Variants in CDK12 observed in about 807,000 individuals in gnomAD.
CDK12 encodes cyclin dependent kinase 12.
A neutral mutation model predicts 133.8 loss-of-function variants in CDK12; 17 were observed. The observed-to-expected ratio is 0.13, with a 90% CI of 0.09 to 0.19. The LOEUF (loss-of-function observed/expected upper bound fraction) is 0.19. Ranked by LOEUF, CDK12 falls within the 10% of genes least tolerant of loss-of-function variation. The pLI, the probability that CDK12 is intolerant of heterozygous loss-of-function variation, is 1.00. For synonymous variants in CDK12, 694 were observed against 683.6 expected, an observed-to-expected ratio of 1.02 and a Z score of -0.24; for missense variants, 1,508 against 1,818.7, an observed-to-expected ratio of 0.83 and a Z score of 3.11.
At chr17:39,514,297 C>A in intron 8 of CDK12, among the ~76,000 whole-genome samples, 1 of 152,068 alleles carries the variant, frequency 6.6e-6, no homozygotes, top group Non-Finnish European at 1.5e-5. Flanking sequence ...GTTTAAAGGT[C>A]CAAATTCTAA....
At position 39,463,209 on chromosome 17, in the gene CDK12, G is replaced by A; in HGVS notation, c.1046+92G>A. ...TTAACATTGTCTGGAAGCCCGCAGTGTTCATCATTGACTAGAACACTTTGC... is the reference window on the plus strand; with the variant it reads ...TTAACATTGTCTGGAAGCCCGCAGTATTCATCATTGACTAGAACACTTTGC... On this transcript the variant is annotated intron_variant, in intron 1 of 13. Coordinates refer to ENST00000447079, the MANE Select transcript of CDK12 (RefSeq NM_016507.4). 5 of 1,092,936 alleles carry A rather than the reference G, an allele frequency of 4.6e-6. No individual in the cohort carries two copies. The Middle Eastern group carries it at 6.1e-4, about 134-fold the overall frequency. The allele number at this position is 1,092,936 out of a possible 1,614,324, so 67.7% of individuals were successfully genotyped here. A position where few individuals can be genotyped will look rare whatever the true frequency, so the allele number is the denominator to read the frequency against.
intron 10 of CDK12, among the ~76,000 whole-genome samples, chr17:39,518,483 C>T (rs1210143536): frequency 2.6e-5 from 4 of 152,054 alleles, no homozygotes; most frequent in Admixed American, 6.5e-5. Flanking sequence ...CGTGCTACCA[C>T]GCCTGGCCAT....
chr17:39,553,336 C>CCAAG (rs1248652234), intron 2 of CDK12, among the ~76,000 whole-genome samples: 13 of 151,968 alleles, frequency 8.6e-5, no homozygotes, highest in Admixed American at 8.5e-4. Context: ...GGAAGGAAGG[C>CCAAG]CAAGACAGGG....
At chr17:39,495,384 G>GTTTGTTTTT (rs1567730020) in intron 5 of CDK12, among the ~76,000 whole-genome samples, 1 of 110,694 alleles carries the variant, frequency 9.0e-6, no homozygotes, top group Non-Finnish European at 1.8e-5. Flanking sequence ...GGCCTCATGT[G>GTTTGTTTTT]TTTTTTTTTT....
intron 2 of CDK12, 48 bp from the exon 3 acceptor site, chr17:39,490,509 G>A (rs751083743): frequency 7.4e-6 from 10 of 1,358,972 alleles, no homozygotes. Flanking sequence ...ATTTTTATTT[G>A]CGTATCTTTA....
chr17:39,501,105 C>T (rs780125870), intron 5 of CDK12, 145 bp from the exon 6 acceptor site: 19 of 546,450 alleles, frequency 3.5e-5, no homozygotes, highest in African/African-American at 5.9e-5. Context: ...AACTACTCTT[C>T]GTTTCAGTTT....
downstream of CDK12, among the ~76,000 whole-genome samples, chr17:39,566,057 C>T (rs2056563542): frequency 6.6e-6 from 1 of 152,192 alleles, no homozygotes. Flanking sequence ...TCCACTTGAT[C>T]TTTTAAAGCC....
At chr17:39,525,024 CATT>C (rs1204083311) in intron 12 of CDK12, 139 bp downstream of exon 12, 5 of 649,510 alleles carry the variant, frequency 7.7e-6, no homozygotes, top group Non-Finnish European at 1.3e-5. Context: ...TTAATGTCCT[CATT>C]ATGGTGAGAA....
intron 1 of CDK12, among the ~76,000 whole-genome samples, chr17:39,466,577 T>G (rs569017682): frequency 8.7e-6 from 1 of 114,668 alleles, no homozygotes; most frequent in South Asian, 3.0e-4. Context: ...TTGCAATAAT[T>G]GCACTCCATC....
intron 1 of CDK12, among the ~76,000 whole-genome samples, chr17:39,470,503 A>G (rs946819350): frequency 8.5e-5 from 13 of 152,190 alleles, no homozygotes; most frequent in African/African-American, 3.1e-4. Context: ...AGCGCAAAGA[A>G]GTCTCATATA....
intron 2 of CDK12, among the ~76,000 whole-genome samples, chr17:39,474,288 C>G (rs1178928163): frequency 1.3e-5 from 2 of 152,140 alleles, no homozygotes; most frequent in Admixed American, 1.3e-4. Flanking sequence ...AATTCCCAAG[C>G]CTTCATTCCT....
intron 6 of CDK12, among the ~76,000 whole-genome samples, chr17:39,504,496 G>A (rs2052953236): frequency 2.0e-5 from 3 of 152,112 alleles, no homozygotes. Context: ...GTGGAGTAAG[G>A]GGTTGAGTAG....
intron 3 of CDK12, 140 bp downstream of exon 3, chr17:39,490,873 G>T: frequency 1.8e-6 from 1 of 559,328 alleles, no homozygotes; most frequent in Non-Finnish European, 2.9e-6. Context: ...TTATTTTAAT[G>T]GACAAAAGCC....
chr17:39,467,770 G>T (rs973235767), intron 1 of CDK12, among the ~76,000 whole-genome samples: 1 of 152,134 alleles, frequency 6.6e-6, no homozygotes, highest in African/African-American at 2.4e-5. Context: ...TGTACAGAAG[G>T]AATGTTAGTT....
intron 11 of CDK12, among the ~76,000 whole-genome samples, chr17:39,523,873 G>A (rs1027423394): frequency 6.6e-6 from 1 of 152,030 alleles, no homozygotes; most frequent in Non-Finnish European, 1.5e-5. Flanking sequence ...GGCTAGTCTC[G>A]AACTCCTGAC....
chr17:39,479,399 A>G (rs550665214), intron 2 of CDK12, among the ~76,000 whole-genome samples: 3 of 152,080 alleles, frequency 2.0e-5, no homozygotes, highest in South Asian at 4.2e-4. Context: ...GCAGCAGCAT[A>G]ATGTTGAGAA....
In CDK12 at chr17:39,482,853, C is replaced by T. The variant is rs536637592; in HGVS notation, c.1932-7704C>T. On this transcript the variant is annotated intron_variant, in intron 2 of 13. Transcript: ENST00000447079. Reference sequence around the variant, plus strand: ...CTGGCCTCAAACAATCCACCTGCCTCAGCCTTTCAAAGTGCTGGGATTACA... The same window carrying T: ...CTGGCCTCAAACAATCCACCTGCCTTAGCCTTTCAAAGTGCTGGGATTACA... Among the ~76,000 whole-genome samples the T allele has an allele frequency of 2.0e-5, 3 of 151,526 alleles. No individual in the cohort carries two copies. In the South Asian group the frequency reaches 6.2e-4, roughly 32 times the overall value.
Position 39,530,870 on chromosome 17 carries a change from G to A in CDK12, c.4027G>A (p.Gly1343Arg), listed in dbSNP as rs1241477991. The A allele has an allele frequency of 6.2e-7, 1 of 1,614,166 alleles. No individual in the cohort carries two copies. Among genetic ancestry groups the A allele is most frequent in the Non-Finnish European group, 8.5e-7 (1 of 1,180,024 alleles). The change falls in exon 14 of 14, where the codon GGG becomes AGG. Residue 1343 changes from glycine to arginine, a missense_variant. Transcript: ENST00000447079. ...AAACAGGACTTATGGAAACACTGATGGGCCTGAAACAGGGTTCAGTGCCAT... is the reference window on the plus strand; with the variant it reads ...AAACAGGACTTATGGAAACACTGATAGGCCTGAAACAGGGTTCAGTGCCAT... ...RPNRTYGNTD[G>R]PETGFSAIDT... is the part of the protein sequence containing the mutation.
rs1368903118 is a variant in CDK12, at chr17:39,531,915, T to C, written c.*599T>C. ...CTTTTAAGTGAACACTTTTTCCCCATTGAGCATCTTGAACATACTTTTTTT... is the reference window on the plus strand; with the variant it reads ...CTTTTAAGTGAACACTTTTTCCCCACTGAGCATCTTGAACATACTTTTTTT... On this transcript the variant is annotated 3_prime_UTR_variant, in exon 14 of 14. Transcript: ENST00000447079. 8.6e-6 allele frequency: 2 copies of C among 233,796 alleles called. No homozygotes were observed. Among genetic ancestry groups the C allele is most frequent in the African/African-American group, 4.4e-5 (2 of 45,354 alleles). The allele number at this position is 233,796 out of a possible 1,614,324, so 14.5% of individuals were successfully genotyped here.
Sources: allele counts gnomAD v4.1 joint callset (sites outside exome capture counted in the v4.1 genomes callset), GRCh38; gene constraint gnomAD v4.1.1; transcripts MANE v1.5; gene names NCBI Gene and HGNC (gene_info 2026-07-23, HGNC 2026-07-21).